The following TCP11L1 variants were observed in gnomAD, a reference collection of about 807,000 sequenced individuals.
The protein encoded by TCP11L1 is T-complex protein 11-like protein 1.
In TCP11L1, 28 loss-of-function variants were observed where a neutral mutation model predicts 48.9. The observed-to-expected ratio is 0.57, with a 90% CI of 0.42 to 0.78. The LOEUF (loss-of-function observed/expected upper bound fraction) is 0.78, where lower values mean the gene tolerates loss of function less well. Among genes scored for constraint, TCP11L1 ranks in the 30% least tolerant of loss-of-function variants. The pLI, the probability that TCP11L1 is intolerant of heterozygous loss-of-function variation, is 0.00. For missense variants in TCP11L1, 505 were observed against 613.4 expected, an observed-to-expected ratio of 0.82 and a Z score of 1.87; for synonymous variants, 204 against 231.9, an observed-to-expected ratio of 0.88 and a Z score of 1.09.
intron 2 of TCP11L1, 29 bp from the exon 3 acceptor site, chr11:33,054,564 A>G: frequency 6.3e-7 from 1 of 1,594,492 alleles, no homozygotes; most frequent in Non-Finnish European, 8.5e-7. Flanking sequence ...CCAGGGAAGC[A>G]AATCTCTTAC....
At chr11:33,065,289 G>C (rs988324790) in intron 7 of TCP11L1, among the ~76,000 whole-genome samples, 1 of 151,904 alleles carries the variant, frequency 6.6e-6, no homozygotes, top group African/African-American at 2.4e-5. Flanking sequence ...TTGAGAAGGA[G>C]TTTCACTCTT....
Position 33,072,727 on chromosome 11 carries a change from G to C in TCP11L1, c.*51G>C. 1.3e-6 allele frequency: 2 copies of C among 1,581,402 alleles called. No homozygotes were observed. The highest frequency in any genetic ancestry group is 1.7e-6 in the Non-Finnish European group (2 of 1,151,188). ...ATTACTCACTAGCCACAGAATACCT[G>C]TTCTGTACTCTAATGTTGCATTGGA... On this transcript the variant is annotated 3_prime_UTR_variant, in exon 10 of 10. Transcript: ENST00000334274.
Position 33,043,911 on chromosome 11 carries a change from C to T in TCP11L1, c.138C>T (p.Ser46=), listed in dbSNP as rs1423829007. ...AAGCAATAAAGTCAGACTCCTCCAG[C>T]CCCCAAAGAGTGCAGAGACCTCACT... The part of the protein sequence containing the change: ...LQKAIKSDSS[S]PQRVQRPHSS... Residue 46 remains serine (S), a synonymous_variant, in exon 2 of 10, where the codon AGC becomes AGT. Coordinates refer to ENST00000334274, the MANE Select transcript of TCP11L1 (RefSeq NM_018393.4). The T allele has an allele frequency of 6.2e-7, 1 of 1,612,128 alleles. No homozygotes were observed. The highest frequency in any genetic ancestry group is 2.2e-5 in the East Asian group (1 of 44,842).
chr11:33,052,404 C>T (rs1033381521), intron 2 of TCP11L1, among the ~76,000 whole-genome samples: 2 of 151,616 alleles, frequency 1.3e-5, no homozygotes, highest in African/African-American at 4.9e-5. Context: ...GTTTTCCCAA[C>T]TTCCCCTTGT....
chr11:33,063,708 G>T (rs930139151), intron 7 of TCP11L1, among the ~76,000 whole-genome samples: 1 of 152,074 alleles, frequency 6.6e-6, no homozygotes, highest in South Asian at 2.1e-4. Context: ...TCTCTTTTTG[G>T]GGGGTACGTG....
intron 7 of TCP11L1, among the ~76,000 whole-genome samples, chr11:33,064,667 T>C (rs1250192103): frequency 6.6e-6 from 1 of 152,220 alleles, no homozygotes; most frequent in Admixed American, 6.5e-5. Context: ...CTCTTCCTCT[T>C]TATTTACTCG....
At chr11:33,045,960 A>G (rs1853981160) in intron 2 of TCP11L1, among the ~76,000 whole-genome samples, 1 of 152,226 alleles carries the variant, frequency 6.6e-6, no homozygotes, top group Admixed American at 6.5e-5. Context: ...ACTTGAGATA[A>G]TGGGAAACAT....
chr11:33,047,980 T>A (rs1386942343), intron 2 of TCP11L1, among the ~76,000 whole-genome samples: 1 of 152,168 alleles, frequency 6.6e-6, no homozygotes, highest in Non-Finnish European at 1.5e-5. Context: ...AGATAGAGAG[T>A]ACAACCATTC....
At chr11:33,068,165 C>T (rs2133746571) in intron 8 of TCP11L1, among the ~76,000 whole-genome samples, 1 of 152,340 alleles carries the variant, frequency 6.6e-6, no homozygotes, top group East Asian at 1.9e-4. Flanking sequence ...ACTCCTGATC[C>T]ATCTGCCTTG....
chr11:33,042,583 T>C lies in TCP11L1; in HGVS notation c.-24-1167T>C, dbSNP rs555562798. Among the ~76,000 whole-genome samples the C allele has an allele frequency of 1.5e-3, 226 of 152,354 alleles. 2 individuals carry two copies. The highest frequency in any genetic ancestry group is 5.1e-3 in the African/African-American group (214 of 41,588). On this transcript the variant is annotated intron_variant, in intron 1 of 9. Coordinates refer to ENST00000334274, the MANE Select transcript of TCP11L1 (RefSeq NM_018393.4). ...TACTCACAATCTTTTTCCTAATTACTGGCAAGAAGGTAATAAAAATATTTG... is the reference window on the plus strand; with the variant it reads ...TACTCACAATCTTTTTCCTAATTACCGGCAAGAAGGTAATAAAAATATTTG...
At chr11:33,056,210 A>G (rs1055060139) in intron 3 of TCP11L1, among the ~76,000 whole-genome samples, 14 of 152,064 alleles carry the variant, frequency 9.2e-5, no homozygotes, top group Non-Finnish European at 1.9e-4. Flanking sequence ...CCTAGGTTCA[A>G]GCAATTCTCC....
At chr11:33,051,912 T>C (rs1854172436) in intron 2 of TCP11L1, among the ~76,000 whole-genome samples, 1 of 152,230 alleles carries the variant, frequency 6.6e-6, no homozygotes, top group South Asian at 2.1e-4. Flanking sequence ...TTATTTTTCT[T>C]TTTCAAAATA....
intron 6 of TCP11L1, among the ~76,000 whole-genome samples, chr11:33,060,116 G>A (rs1310774806): frequency 6.6e-6 from 1 of 152,062 alleles, no homozygotes; most frequent in Non-Finnish European, 1.5e-5. Flanking sequence ...TGTTGTTGTT[G>A]TTTTCTTTGA....
chr11:33,043,635 C>G lies in TCP11L1; in HGVS notation c.-24-115C>G, dbSNP rs796974157. ...GATCTTAGCAAGCTCATTTATTCTA[C>G]AAACGAGAAAACTGAAACCCAAAGA... On this transcript the variant is annotated intron_variant, in intron 1 of 9. Transcript: ENST00000334274. 43 of 793,188 alleles carry G rather than the reference C, an allele frequency of 5.4e-5. No individual in the cohort carries two copies. In the African/African-American group the frequency reaches 7.2e-4, roughly 13 times the overall value. 49.1% of individuals were successfully genotyped at this position (793,188 alleles called of 1,614,324 possible).
At position 33,064,453 on chromosome 11, in the gene TCP11L1, A is replaced by C. The variant is rs566271960; in HGVS notation, c.973-1377A>C. ...AAGAAAGGTCCTTAGAGTCCATTCG[A>C]TGAGCCTGTAAACTCTCAGATCAGA... On this transcript the variant is annotated intron_variant, in intron 7 of 9. Transcript: ENST00000334274. Among the ~76,000 whole-genome samples, 39 of 152,316 alleles carry C rather than the reference A, an allele frequency of 2.6e-4. 1 individual carries two copies. Among genetic ancestry groups the C allele is most frequent in the Admixed American group, 2.1e-3 (32 of 15,300 alleles).
intron 9 of TCP11L1, among the ~76,000 whole-genome samples, chr11:33,071,660 C>T (rs538473745): frequency 9.9e-5 from 15 of 152,248 alleles, no homozygotes; most frequent in African/African-American, 2.9e-4. Context: ...GAAGGAAGCA[C>T]GAGCTGCTTT....
At chr11:33,067,241 T>G (rs1173899044) in intron 8 of TCP11L1, among the ~76,000 whole-genome samples, 2 of 152,152 alleles carry the variant, frequency 1.3e-5, no homozygotes, top group Non-Finnish European at 2.9e-5. Flanking sequence ...TTGGGTGACT[T>G]CTATGGTTTC....
At chr11:33,056,735 C>T (rs1459955762) in intron 3 of TCP11L1, 4 of 240,104 alleles carry the variant, frequency 1.7e-5, no homozygotes, top group African/African-American at 4.6e-5. Context: ...TAAGTCACAA[C>T]GCCCAGCCTA....
chr11:33,061,648 G>T lies in TCP11L1; in HGVS notation c.894G>T (p.Arg298Ser). 3 of 1,613,216 alleles carry T rather than the reference G, an allele frequency of 1.9e-6. No homozygotes were observed. ...CTGCTGGCTCTGGGGACATGCCCAGGCTGAGCCCTGTTGCTGTCCAGAATT... is the reference window on the plus strand; with the variant it reads ...CTGCTGGCTCTGGGGACATGCCCAGTCTGAGCCCTGTTGCTGTCCAGAATT... ...GMAAGSGDMP[R>S]LSPVAVQNYA... The change falls in exon 7 of 10, where the codon AGG becomes AGT. Residue 298 changes from arginine (R) to serine (S), a missense_variant. Coordinates refer to ENST00000334274, the MANE Select transcript of TCP11L1 (RefSeq NM_018393.4).
Sources: allele counts gnomAD v4.1 joint callset (sites outside exome capture counted in the v4.1 genomes callset), GRCh38; gene constraint gnomAD v4.1.1; transcripts MANE v1.5; gene names NCBI Gene and HGNC (gene_info 2026-07-23, HGNC 2026-07-21).